LAMA1: variants seen among roughly 807,000 people sequenced by gnomAD.
The protein encoded by LAMA1 is laminin subunit alpha-1.
A neutral mutation model predicts 348.7 loss-of-function variants in LAMA1; 219 were observed. That is an observed-to-expected ratio of 0.63 (90% CI 0.56 to 0.70). The LOEUF (loss-of-function observed/expected upper bound fraction) is 0.70. Among genes scored for constraint, LAMA1 ranks in the 30% least tolerant of loss-of-function variants. The probability of loss-of-function intolerance (pLI) is 0.00; values close to 1 mark genes in which losing one functional copy is unlikely to be tolerated. For missense variants in LAMA1, 3,744 were observed against 3,888.0 expected, an observed-to-expected ratio of 0.96 and a Z score of 0.99; for synonymous variants, 1,487 against 1,491.0, an observed-to-expected ratio of 1.00 and a Z score of 0.06.
chr18:6,985,618 T>C lies in LAMA1; in HGVS notation c.5405A>G (p.Glu1802Gly), dbSNP rs571719075. The C allele has an allele frequency of 1.9e-6, 3 of 1,614,020 alleles. No homozygotes were observed. Among genetic ancestry groups the C allele is most frequent in the East Asian group, 4.5e-5 (2 of 44,878 alleles). Reference protein sequence around the residue: ...FSDKKLHVQEEQNLTSELIVQ... With the variant: ...FSDKKLHVQEGQNLTSELIVQ... ...AATGAGCTCTGAGGTCAGATTTTGT[T>C]CTTCTTGAACATGCAGCTTTTTATC... Residue 1802 changes from glutamate to glycine, a missense_variant, in exon 38 of 63, where the codon GAA becomes GGA. Physicochemically the swap from Glu to Gly is moderately conservative, Grantham distance 98. This residue lies in a region of LAMA1 where 1,983 missense variants were observed against 1,934.3 expected (regional missense o/e 1.03). Coordinates refer to ENST00000389658, the MANE Select transcript of LAMA1 (RefSeq NM_005559.4).
Position 7,050,714 on chromosome 18 carries a change from C to G in LAMA1, c.568G>C (p.Val190Leu). Residue 190 changes from valine to leucine, a missense_variant, in exon 4 of 63, where the codon GTG (valine) becomes CTG (leucine). Around this residue, in one of 3 missense-constraint regions of LAMA1, gnomAD observed 1,529 missense variants for 1,689.4 expected, o/e 0.91. Transcript: ENST00000389658. ...CCTACCTCTCCATGCTCAAGTGGCA[C>G]CAATCTGGAATAATAGGAGGTGCAG... ...VICTSYYSRLVPLEHGEIHTS... is the reference protein window; with the variant it reads ...VICTSYYSRLLPLEHGEIHTS... 6.2e-7 allele frequency: 1 copy of G among 1,613,964 alleles called. No individual in the cohort carries two copies. Among genetic ancestry groups the G allele is most frequent in the South Asian group, 1.1e-5 (1 of 91,072 alleles).
In LAMA1 at chr18:6,995,437, A is replaced by C. The variant is rs763274888; in HGVS notation, c.4816T>G (p.Leu1606Val). 6.3e-6 allele frequency: 10 copies of C among 1,591,046 alleles called. No individual in the cohort carries two copies. In the South Asian group the frequency reaches 1.1e-4, roughly 18 times the overall value. Residue 1606 changes from leucine to valine, a missense_variant, in exon 34 of 63, where the codon TTA (leucine) becomes GTA (valine). Leu to Val is a conservative substitution (Grantham distance 32, BLOSUM62 1). This residue lies in a region of LAMA1 where 1,983 missense variants were observed against 1,934.3 expected (regional missense o/e 1.03). Coordinates refer to ENST00000389658, the MANE Select transcript of LAMA1 (RefSeq NM_005559.4). ...NTTKYLQESLLKENMQKDLGK... is the reference protein window; with the variant it reads ...NTTKYLQESLVKENMQKDLGK... ...AGGTCCTTTTGCATATTTTCTTTTA[A>C]TAAAGATTCCTAGGAAGAATGGAGG...
chr18:6,947,189 T>A lies in LAMA1; in HGVS notation c.8818A>T (p.Ile2940Phe). The A allele has an allele frequency of 6.2e-7, 1 of 1,614,208 alleles. No individual in the cohort carries two copies. The highest frequency in any genetic ancestry group is 8.5e-7 in the Non-Finnish European group (1 of 1,180,046). The stretch of plus-strand genomic sequence containing the variant: ...TTGCCGTCCACAAGCTCTAGTCCAA[T>A]GGCATCCACTTTGGCAGTGCTGATC... The part of the protein sequence containing the change: ...LGISTAKVDA[I>F]GLELVDGKVL... The change falls in exon 61 of 63, where the codon ATT (isoleucine) becomes TTT (phenylalanine). Residue 2940 changes from isoleucine (I) to phenylalanine (F), a missense_variant. Ile to Phe is a conservative substitution (Grantham distance 21). Around this residue, in one of 3 missense-constraint regions of LAMA1, gnomAD observed 232 missense variants for 264.4 expected, o/e 0.88. Coordinates refer to ENST00000389658, the MANE Select transcript of LAMA1 (RefSeq NM_005559.4).
chr18:7,059,780 A>G (rs2058095672), intron 3 of LAMA1, among the ~76,000 whole-genome samples: 1 of 152,208 alleles, frequency 6.6e-6, no homozygotes, highest in Non-Finnish European at 1.5e-5. Context: ...CTGAACAGTG[A>G]ATGAAGGCAT....
chr18:7,011,007 T>A (rs568807069), intron 25 of LAMA1, among the ~76,000 whole-genome samples: 2 of 152,294 alleles, frequency 1.3e-5, no homozygotes, highest in African/African-American at 2.4e-5. Flanking sequence ...CCCTAGAATG[T>A]CTCTCCATTG....
intron 1 of LAMA1, among the ~76,000 whole-genome samples, chr18:7,112,819 G>C (rs2058341180): frequency 1.3e-5 from 2 of 152,006 alleles, no homozygotes; most frequent in South Asian, 4.2e-4. Context: ...ATTTTTGGTA[G>C]AGATGGGGTT....
Position 7,011,407 on chromosome 18 carries a change from C to G in LAMA1, c.3580G>C (p.Val1194Leu). 1 of 1,609,696 alleles carries G rather than the reference C, an allele frequency of 6.2e-7. No individual in the cohort carries two copies. Residue 1194 changes from valine to leucine, a missense_variant, in exon 25 of 63, where the codon GTT becomes CTT. Physicochemically the swap from Val to Leu is conservative, Grantham distance 32. Coordinates refer to ENST00000389658, the MANE Select transcript of LAMA1 (RefSeq NM_005559.4). The stretch of plus-strand genomic sequence containing the variant: ...AGGAAGTCGGGGGCCTGGTAGTAAA[C>G]CCCCTCGGTCGTGCCCCTCAAGTTA... ...QSNLRGTTEGVYYQAPDFLLD... is the reference protein window; with the variant it reads ...QSNLRGTTEGLYYQAPDFLLD...
intron 19 of LAMA1, among the ~76,000 whole-genome samples, chr18:7,019,714 C>G (rs9958348): frequency 0.056 from 7,490 of 134,574 alleles, 601 homozygotes; most frequent in African/African-American, 0.19. Flanking sequence ...CAGGGTCTCA[C>G]TCCGTCACCC....
chr18:7,085,545 A>C lies in LAMA1; in HGVS notation c.62-5088T>G, dbSNP rs1202423967. ...GCCATTCTCCTGTCTCAGCCTCCAG[A>C]GTAGCTGGGACTATAGGCACCCGCC... On this transcript the variant is annotated intron_variant, in intron 1 of 62. Coordinates refer to ENST00000389658, the MANE Select transcript of LAMA1 (RefSeq NM_005559.4). 2.0e-5 allele frequency among the ~76,000 whole-genome samples: 3 copies of C among 150,892 alleles called. No individual in the cohort carries two copies. The East Asian group carries it at 5.9e-4, about 30-fold the overall frequency.
At chr18:7,085,629 A>C (rs564075392) in intron 1 of LAMA1, among the ~76,000 whole-genome samples, 1 of 152,128 alleles carries the variant, frequency 6.6e-6, no homozygotes, top group South Asian at 2.1e-4. Flanking sequence ...CACGTTAGCC[A>C]GGATGGTCTC....
chr18:6,959,497 G>A lies in LAMA1; in HGVS notation c.7627-5C>T. On this transcript the variant is annotated splice_region_variant and splice_polypyrimidine_tract_variant and intron_variant, in intron 53 of 62. Transcript: ENST00000389658. ...CAGCATGACGGAAAAGAAGGGCTGGGGAGGTTGCATAGAGAATTTCCCAGA... is the reference window on the plus strand; with the variant it reads ...CAGCATGACGGAAAAGAAGGGCTGGAGAGGTTGCATAGAGAATTTCCCAGA... The A allele has an allele frequency of 6.2e-7, 1 of 1,614,094 alleles. No homozygotes were observed. The highest frequency in any genetic ancestry group is 1.1e-5 in the South Asian group (1 of 91,068).
intron 16 of LAMA1, among the ~76,000 whole-genome samples, chr18:7,029,057 C>A (rs138487082): frequency 6.6e-6 from 1 of 152,308 alleles, no homozygotes; most frequent in African/African-American, 2.4e-5. Flanking sequence ...TTCCCATATA[C>A]CACATTTAAT....
chr18:7,040,164 T>C lies in LAMA1; in HGVS notation c.1334A>G (p.Tyr445Cys). Residue 445 changes from tyrosine to cysteine, a missense_variant, in exon 10 of 63, where the codon TAT becomes TGT. By Grantham distance (194) the Tyr-to-Cys change is radical. Around this residue, in one of 3 missense-constraint regions of LAMA1, gnomAD observed 1,529 missense variants for 1,689.4 expected, o/e 0.91. Coordinates refer to ENST00000389658, the MANE Select transcript of LAMA1 (RefSeq NM_005559.4). ...GEKCDRCQLG[Y>C]KDYPTCVSCG... Reference sequence around the variant, plus strand: ...GGAGACACAGGTCGGGTAATCCTTATAGCCAAGTTGGCAGCGATCACATTT... The same window carrying C: ...GGAGACACAGGTCGGGTAATCCTTACAGCCAAGTTGGCAGCGATCACATTT... 4 of 1,614,132 alleles carry C rather than the reference T, an allele frequency of 2.5e-6. No homozygotes were observed. The highest frequency in any genetic ancestry group is 3.4e-6 in the Non-Finnish European group (4 of 1,180,022).
chr18:7,038,690 G>C (rs1004222295), intron 11 of LAMA1, 120 bp downstream of exon 11: 2 of 1,342,382 alleles, frequency 1.5e-6, no homozygotes, highest in Non-Finnish European at 1.1e-6. Flanking sequence ...CAGTATCATT[G>C]CATAGCGATG....
At chr18:7,005,016 C>A (rs757951335) in intron 29 of LAMA1, among the ~76,000 whole-genome samples, 44 of 152,140 alleles carry the variant, frequency 2.9e-4, no homozygotes, top group Non-Finnish European at 5.1e-4. Flanking sequence ...AGGAGGGAAG[C>A]TCCCACTGAC....
At chr18:7,002,969 C>T (rs1005958742) in intron 29 of LAMA1, among the ~76,000 whole-genome samples, 1 of 151,898 alleles carries the variant, frequency 6.6e-6, no homozygotes, top group South Asian at 2.1e-4. Flanking sequence ...TAGCTTTGAC[C>T]TCCCAGGCTC....
At chr18:6,985,474 T>G in intron 38 of LAMA1, 53 bp downstream of exon 38, 1 of 1,606,396 alleles carries the variant, frequency 6.2e-7, no homozygotes, top group Non-Finnish European at 8.5e-7. Context: ...ATAGAAAAGA[T>G]GTGTGAAGAT....
chr18:6,981,055 A>G (rs1005500053), intron 41 of LAMA1, among the ~76,000 whole-genome samples: 1 of 151,728 alleles, frequency 6.6e-6, no homozygotes, highest in African/African-American at 2.4e-5. Context: ...GTGAGCTGAG[A>G]TCGTGCCACT....
chr18:6,958,550 C>A lies in LAMA1; in HGVS notation c.7891G>T (p.Gly2631Ter). 6.2e-7 allele frequency: 1 copy of A among 1,614,160 alleles called. No homozygotes were observed. Among genetic ancestry groups the A allele is most frequent in the South Asian group, 1.1e-5 (1 of 91,074 alleles). ...SNLYVGGIPE[G>*]EGTSLLTMRR... Reference sequence around the variant, plus strand: ...ATTGTGAGCAGTGACGTCCCCTCTCCCTCTGGAATTCCCCCGACGTACAGA... The same window carrying A: ...ATTGTGAGCAGTGACGTCCCCTCTCACTCTGGAATTCCCCCGACGTACAGA... The change falls in exon 55 of 63, where the codon GGA becomes TGA. Residue 2631 changes from glycine to a stop codon, truncating the protein, a stop_gained. Coordinates refer to ENST00000389658, the MANE Select transcript of LAMA1 (RefSeq NM_005559.4). LOFTEE classifies it high-confidence loss of function.
Sources: allele counts gnomAD v4.1 joint callset (sites outside exome capture counted in the v4.1 genomes callset), GRCh38; gene constraint gnomAD v4.1.1; regional missense constraint gnomAD v4.1.1; transcripts MANE v1.5; gene names NCBI Gene and HGNC (gene_info 2026-07-23, HGNC 2026-07-21).